Variants in JPH1 observed in about 807,000 individuals in gnomAD.
JPH1 encodes the protein junctophilin 1.
In JPH1, 12 loss-of-function variants were observed where a neutral mutation model predicts 53.6. The observed-to-expected ratio is 0.22, with a 90% CI of 0.14 to 0.36. The LOEUF (loss-of-function observed/expected upper bound fraction) is 0.36, where lower values mean the gene tolerates loss of function less well. Among genes scored for constraint, JPH1 ranks in the 10% least tolerant of loss-of-function variants. The pLI is 1.00. For missense variants in JPH1, 808 were observed against 905.5 expected, an observed-to-expected ratio of 0.89 and a Z score of 1.38; for synonymous variants, 375 against 363.8, an observed-to-expected ratio of 1.03 and a Z score of -0.35.
In JPH1 at chr8:74,244,906, C is replaced by G. The variant is rs1278199767; in HGVS notation, c.1528G>C (p.Val510Leu). The G allele has an allele frequency of 6.2e-7, 1 of 1,614,046 alleles. No homozygotes were observed. Among genetic ancestry groups the G allele is most frequent in the Non-Finnish European group, 8.5e-7 (1 of 1,180,056 alleles). Residue 510 changes from valine (V) to leucine (L), a missense_variant, in exon 4 of 6, where the codon GTC becomes CTC. By Grantham distance (32) the Val-to-Leu change is conservative. Around this residue, in one of 2 missense-constraint regions of JPH1, gnomAD observed 756 missense variants for 811.9 expected, o/e 0.93. Transcript: ENST00000342232. ...GCCTTTGACATCAAGGGCTTATTGA[C>G]AATGGCCGTCACCTGCTCATCAGCC... Reference protein sequence around the residue: ...SVADEQVTAIVNKPLMSKAPT... With the variant: ...SVADEQVTAILNKPLMSKAPT...
intron 2 of JPH1, among the ~76,000 whole-genome samples, chr8:74,309,567 C>T (rs901486348): frequency 2.6e-5 from 4 of 152,214 alleles, no homozygotes; most frequent in African/African-American, 7.2e-5. Context: ...CTTTCTCAAC[C>T]AAATGCCTTA....
chr8:74,277,319 T>C (rs1476754837), intron 2 of JPH1, among the ~76,000 whole-genome samples: 1 of 152,194 alleles, frequency 6.6e-6, no homozygotes, highest in African/African-American at 2.4e-5. Context: ...ACCTGTAATA[T>C]TTGGCATTGA....
chr8:74,314,473 T>C (rs1307572284), intron 2 of JPH1, among the ~76,000 whole-genome samples: 1 of 152,210 alleles, frequency 6.6e-6, no homozygotes, highest in Admixed American at 6.5e-5. Flanking sequence ...CTATTTTCTT[T>C]TGGTACACAA....
intron 2 of JPH1, among the ~76,000 whole-genome samples, chr8:74,302,964 A>G (rs1360258633): frequency 6.6e-6 from 1 of 151,268 alleles, no homozygotes; most frequent in Non-Finnish European, 1.5e-5. Context: ...GAAAAGAAAA[A>G]AAAAAAAAAA....
intron 2 of JPH1, among the ~76,000 whole-genome samples, chr8:74,309,385 G>C (rs931240209): frequency 6.6e-6 from 1 of 152,168 alleles, no homozygotes; most frequent in Non-Finnish European, 1.5e-5. Flanking sequence ...GTGGTTCTCA[G>C]TCGCGTGAGG....
intron 2 of JPH1, among the ~76,000 whole-genome samples, chr8:74,276,697 G>A (rs1432391050): frequency 1.3e-5 from 2 of 152,206 alleles, no homozygotes; most frequent in African/African-American, 4.8e-5. Context: ...GGTAAGAACT[G>A]CACATGCACA....
At chr8:74,274,944 T>C (rs1210866120) in intron 2 of JPH1, among the ~76,000 whole-genome samples, 3 of 152,216 alleles carry the variant, frequency 2.0e-5, no homozygotes, top group Non-Finnish European at 4.4e-5. Context: ...GGAATTTTAG[T>C]ATAGAAACCA....
At chr8:74,306,411 C>G (rs1402823685) in intron 2 of JPH1, among the ~76,000 whole-genome samples, 3 of 152,112 alleles carry the variant, frequency 2.0e-5, no homozygotes, top group Non-Finnish European at 2.9e-5. Context: ...TAGGCACCCC[C>G]CCTTTCTCCC....
chr8:74,311,994 C>A (rs1030615760), intron 2 of JPH1, among the ~76,000 whole-genome samples: 5 of 152,062 alleles, frequency 3.3e-5, no homozygotes, highest in African/African-American at 1.2e-4. Flanking sequence ...GACTGTAGAA[C>A]TCTAAAATCA....
rs979179410 is a variant in JPH1 at position 74,235,133 on chromosome 8, A to AT, written c.*1917dup. On this transcript the variant is annotated 3_prime_UTR_variant, in exon 6 of 6. Coordinates refer to ENST00000342232, the MANE Select transcript of JPH1 (RefSeq NM_020647.4). ...TAATAAGATTAAATATTTTATTATTATTTTTTTAAAAAACCAGCTTTCCCA... is the reference window on the plus strand; with the variant it reads ...TAATAAGATTAAATATTTTATTATTATTTTTTTTAAAAAACCAGCTTTCCCA... The AT allele has an allele frequency of 1.2e-4, 18 of 152,204 alleles. No individual in the cohort carries two copies. Among genetic ancestry groups the AT allele is most frequent in the African/African-American group, 4.1e-4 (17 of 41,420 alleles). 9.4% of individuals were successfully genotyped at this position (152,204 alleles called of 1,614,324 possible). A position where few individuals can be genotyped will look rare whatever the true frequency, so the allele number is the denominator to read the frequency against.
chr8:74,260,394 T>C (rs1006178492), intron 2 of JPH1, among the ~76,000 whole-genome samples: 1 of 151,838 alleles, frequency 6.6e-6, no homozygotes, highest in Non-Finnish European at 1.5e-5. Flanking sequence ...CCAGAGAGGG[T>C]TGGAGGGAAG....
intron 2 of JPH1, among the ~76,000 whole-genome samples, chr8:74,296,193 G>A (rs1036043622): frequency 1.3e-5 from 2 of 152,130 alleles, no homozygotes; most frequent in African/African-American, 4.8e-5. Flanking sequence ...CTTGGTAACT[G>A]TGCTGGGTCC....
intron 1 of JPH1, among the ~76,000 whole-genome samples, chr8:74,317,988 T>C (rs1302813369): frequency 6.6e-6 from 1 of 152,188 alleles, no homozygotes; most frequent in African/African-American, 2.4e-5. Context: ...CCTCTCCTAT[T>C]TTGTTAAATC....
At chr8:74,302,078 T>C (rs1025431566) in intron 2 of JPH1, among the ~76,000 whole-genome samples, 1 of 152,226 alleles carries the variant, frequency 6.6e-6, no homozygotes. Flanking sequence ...TGAGAGGAGA[T>C]GACAGATGTC....
intron 2 of JPH1, among the ~76,000 whole-genome samples, chr8:74,293,756 C>T (rs926648597): frequency 6.6e-6 from 1 of 152,186 alleles, no homozygotes; most frequent in African/African-American, 2.4e-5. Context: ...CCTTCCAGGA[C>T]CAGACTGACC....
At chr8:74,286,670 T>G (rs945074583) in intron 2 of JPH1, among the ~76,000 whole-genome samples, 1 of 152,356 alleles carries the variant, frequency 6.6e-6, no homozygotes, top group Admixed American at 6.5e-5. Context: ...ATAAAACATA[T>G]AAGTAATTGG....
At chr8:74,263,451 G>GA (rs1806449386) in intron 2 of JPH1, among the ~76,000 whole-genome samples, 1 of 152,114 alleles carries the variant, frequency 6.6e-6, no homozygotes, top group East Asian at 1.9e-4. Flanking sequence ...AAAATTATTA[G>GA]AAAAATTTAA....
At chr8:74,267,772 T>G (rs549004695) in intron 2 of JPH1, among the ~76,000 whole-genome samples, 19 of 152,266 alleles carry the variant, frequency 1.2e-4, no homozygotes, top group African/African-American at 4.6e-4. Context: ...TTACTTGTAT[T>G]TTAAGAAAAT....
chr8:74,263,403 C>T (rs878920070), intron 2 of JPH1, among the ~76,000 whole-genome samples: 10 of 152,092 alleles, frequency 6.6e-5, no homozygotes, highest in Admixed American at 2.6e-4. Flanking sequence ...ATTCAGGGAC[C>T]GTCCTTGTGA....
Sources: allele counts gnomAD v4.1 joint callset (sites outside exome capture counted in the v4.1 genomes callset), GRCh38; gene constraint gnomAD v4.1.1; regional missense constraint gnomAD v4.1.1; transcripts MANE v1.5; gene names NCBI Gene and HGNC (gene_info 2026-07-23, HGNC 2026-07-21).